Variants in DHRS13 observed in about 807,000 individuals in gnomAD.
The protein encoded by DHRS13 is dehydrogenase/reductase 13.
DHRS13 carries 22 observed loss-of-function variants against 17.9 expected under a neutral mutation model. That is an observed-to-expected ratio of 1.23 (90% CI 0.88 to 1.75). The LOEUF is 1.75. Among genes scored for constraint, DHRS13 ranks in the 40% most tolerant of loss-of-function variants. The pLI is 0.00. For missense variants in DHRS13, 483 were observed against 519.9 expected, an observed-to-expected ratio of 0.93 and a Z score of 0.69; for synonymous variants, 206 against 220.4, an observed-to-expected ratio of 0.93 and a Z score of 0.58.
rs1297916823 is a variant in DHRS13 at position 28,902,659 on chromosome 17, G to A, written c.170C>T (p.Ala57Val). 3 of 1,434,572 alleles carry A rather than the reference G, an allele frequency of 2.1e-6. No individual in the cohort carries two copies. Among genetic ancestry groups the A allele is most frequent in the East Asian group, 3.1e-5 (1 of 32,786 alleles). 88.9% of individuals were successfully genotyped at this position (1,434,572 alleles called of 1,614,324 possible). Residue 57 changes from alanine (A) to valine (V), a missense_variant, in exon 2 of 5, where the codon GCG becomes GTG. By Grantham distance (64) the Ala-to-Val change is moderately conservative. Coordinates refer to ENST00000378895, the MANE Select transcript of DHRS13 (RefSeq NM_144683.4). The surrounding 1 kb of genome is among the most constrained non-coding windows in gnomAD (Gnocchi z 4.0). ...CAGCACCACGCGCGCTCCCCGGCGCGCCAGCTCCAGCGCCGTCATCTTTCC... is the reference window on the plus strand; with the variant it reads ...CAGCACCACGCGCGCTCCCCGGCGCACCAGCTCCAGCGCCGTCATCTTTCC... ...GIGKMTALEL[A>V]RRGARVVLAC...
rs2039803454 is a variant in DHRS13, at chr17:28,901,322, G to A, written c.371-21C>T. The stretch of plus-strand genomic sequence containing the variant: ...GATACCTGGGGCAGAGGCTAAATGT[G>A]AGCGGCTGCTCCAGAAGGAGCTCTG... On this transcript the variant is annotated intron_variant, in intron 3 of 4. Transcript: ENST00000378895. This position sits in a 1 kb window ranked among gnomAD's most constrained non-coding sequence, Gnocchi z 4.3. The A allele has an allele frequency of 6.3e-7, 1 of 1,590,470 alleles. No individual in the cohort carries two copies. The highest frequency in any genetic ancestry group is 1.7e-5 in the Admixed American group (1 of 57,854).
chr17:28,898,648 C>G lies in DHRS13; in HGVS notation c.927G>C (p.Arg309Ser). 6.2e-7 allele frequency: 1 copy of G among 1,613,796 alleles called. No individual in the cohort carries two copies. Among genetic ancestry groups the G allele is most frequent in the East Asian group, 2.2e-5 (1 of 44,880 alleles). The change falls in exon 5 of 5, where the codon AGG (arginine) becomes AGC (serine). Residue 309 changes from arginine (R) to serine (S), a missense_variant. By Grantham distance (110) the Arg-to-Ser change is moderately radical. Coordinates refer to ENST00000378895, the MANE Select transcript of DHRS13 (RefSeq NM_144683.4). ...CCTCCCCAGGCCCAAGCCCTGCCAG[C>G]CTCTTGCTGGCCTCCCATAGCCGAT... is the stretch of plus-strand genomic sequence containing the variant. ...AAHRLWEASK[R>S]LAGLGPGEDA...
rs1388824880 is a variant in DHRS13, at chr17:28,898,793, C to A, written c.782G>T (p.Gly261Val). The part of the protein sequence containing the change: ...AWLVLRAPRG[G>V]AQTPLYCALQ... ...AGCACAATACAGGGGTGTCTGGGCA[C>A]CCCCTCTTGGTGCCCGGAGCACCAG... Residue 261 changes from glycine to valine, a missense_variant, in exon 5 of 5, where the codon GGT (glycine) becomes GTT (valine). By Grantham distance (109) the Gly-to-Val change is moderately radical. Transcript: ENST00000378895. 1 of 1,611,850 alleles carries A rather than the reference C, an allele frequency of 6.2e-7. No homozygotes were observed. Among genetic ancestry groups the A allele is most frequent in the Non-Finnish European group, 8.5e-7 (1 of 1,179,164 alleles).
In DHRS13 at chr17:28,897,933, C is replaced by A; in HGVS notation, c.*508G>T. ...TTCTCAGCACCCATCTTACGGCAGTCGGCCCTGGCCTCAGACCCTTGGGTT... is the reference window on the plus strand; with the variant it reads ...TTCTCAGCACCCATCTTACGGCAGTAGGCCCTGGCCTCAGACCCTTGGGTT... On this transcript the variant is annotated 3_prime_UTR_variant, in exon 5 of 5. Transcript: ENST00000378895. The surrounding 1 kb of genome is among the most constrained non-coding windows in gnomAD (Gnocchi z 4.4). 9.7e-6 allele frequency: 2 copies of A among 205,228 alleles called. No homozygotes were observed. Among genetic ancestry groups the A allele is most frequent in the Non-Finnish European group, 1.9e-5 (2 of 104,174 alleles). 12.7% of individuals were successfully genotyped at this position (205,228 alleles called of 1,614,324 possible). A position where few individuals can be genotyped will look rare whatever the true frequency, so the allele number is the denominator to read the frequency against.
Position 28,901,336 on chromosome 17 carries a change from G to A in DHRS13, c.371-35C>T, listed in dbSNP as rs368229450. ...AGGCTAAATGTGAGCGGCTGCTCCA[G>A]AAGGAGCTCTGCAGCCTTGGCATCC... On this transcript the variant is annotated intron_variant, in intron 3 of 4. Transcript: ENST00000378895. This position sits in a 1 kb window ranked among gnomAD's most constrained non-coding sequence, Gnocchi z 4.3. 14 of 1,585,164 alleles carry A rather than the reference G, an allele frequency of 8.8e-6. No individual in the cohort carries two copies. In the African/African-American group the frequency reaches 1.6e-4, roughly 18 times the overall value.
At position 28,899,056 on chromosome 17, in the gene DHRS13, CA is replaced by C. The variant is rs944185191; in HGVS notation, c.683-165del. On this transcript the variant is annotated intron_variant, in intron 4 of 4. Coordinates refer to ENST00000378895, the MANE Select transcript of DHRS13 (RefSeq NM_144683.4). The surrounding 1 kb of genome is among the most constrained non-coding windows in gnomAD (Gnocchi z 4.7). ...GTCTCTTTAAAAAAAAAAACAACAA[CA>C]AAAAAAATAGAACAGAGCTAGAAGA... is the stretch of plus-strand genomic sequence containing the variant. 3.5e-4 allele frequency: 209 copies of C among 604,168 alleles called. No individual in the cohort carries two copies. The highest frequency in any genetic ancestry group is 9.0e-4 in the Middle Eastern group (2 of 2,232). 37.4% of individuals were successfully genotyped at this position (604,168 alleles called of 1,614,324 possible). A position where few individuals can be genotyped will look rare whatever the true frequency, so the allele number is the denominator to read the frequency against.
At position 28,898,474 on chromosome 17, in the gene DHRS13, C is replaced by T. The variant is rs765263113; in HGVS notation, c.1101G>A (p.Gln367=). 1 of 1,570,756 alleles carries T rather than the reference C, an allele frequency of 6.4e-7. No individual in the cohort carries two copies. ...GCTGGATCTCAGGCTCAACTTTAGC[C>T]TGAATTCGGTGCGTCATCTTAGACA... is the stretch of plus-strand genomic sequence containing the variant. ...PDLSKMTHRI[Q]AKVEPEIQLS is the part of the protein sequence containing the mutation. Residue 367 remains glutamine (Q), a synonymous_variant, in exon 5 of 5, where the codon CAG becomes CAA. Transcript: ENST00000378895.
chr17:28,902,719 G>A lies in DHRS13; in HGVS notation c.128-18C>T, dbSNP rs577948182. 3 of 1,349,798 alleles carry A rather than the reference G, an allele frequency of 2.2e-6. No individual in the cohort carries two copies. Among genetic ancestry groups the A allele is most frequent in the East Asian group, 6.3e-5 (2 of 31,976 alleles). 83.6% of individuals were successfully genotyped at this position (1,349,798 alleles called of 1,614,324 possible). The stretch of plus-strand genomic sequence containing the variant: ...GTTGGCGCCTGCGGACCGCGGGCGG[G>A]AGCCGAGCTGAGCTGAGCCCGGCGG... On this transcript the variant is annotated intron_variant, in intron 1 of 4. Transcript: ENST00000378895. This position sits in a 1 kb window ranked among gnomAD's most constrained non-coding sequence, Gnocchi z 4.0.
chr17:28,900,793 A>G (rs2039798884), intron 4 of DHRS13, among the ~76,000 whole-genome samples, 197 bp downstream of exon 4: 1 of 152,154 alleles, frequency 6.6e-6, no homozygotes. Flanking sequence ...GTGGTGTGAG[A>G]GGAAGAACCT....
Position 28,898,870 on chromosome 17 carries a change from G to T in DHRS13, c.705C>A (p.Phe235Leu). The change falls in exon 5 of 5, where the codon TTC becomes TTA. Residue 235 changes from phenylalanine to leucine, a missense_variant. Coordinates refer to ENST00000378895, the MANE Select transcript of DHRS13 (RefSeq NM_144683.4). Reference sequence around the variant, plus strand: ...GCAGCCATCCAGGAACATGGCGCAGGAACAGCTCCGAGTTCACAGGCCCTG... The same window carrying T: ...GCAGCCATCCAGGAACATGGCGCAGTAACAGCTCCGAGTTCACAGGCCCTG... ...AHPGPVNSEL[F>L]LRHVPGWLRP... 1 of 1,591,676 alleles carries T rather than the reference G, an allele frequency of 6.3e-7. No individual in the cohort carries two copies. Among genetic ancestry groups the T allele is most frequent in the South Asian group, 1.1e-5 (1 of 88,564 alleles).
At position 28,902,269 on chromosome 17, in the gene DHRS13, C is replaced by G. The variant is rs1291904653; in HGVS notation, c.246+314G>C. On this transcript the variant is annotated intron_variant, in intron 2 of 4. Transcript: ENST00000378895. This position sits in a 1 kb window ranked among gnomAD's most constrained non-coding sequence, Gnocchi z 4.0. ...TTCTCAGTTTTTCAGATCAGTCCAG[C>G]TCTCTTTGCCTCAGAGCCTTTGCTT... 1.1e-5 allele frequency: 3 copies of G among 284,068 alleles called. No individual in the cohort carries two copies. The highest frequency in any genetic ancestry group is 1.3e-5 in the Non-Finnish European group (2 of 152,390). The allele number at this position is 284,068 out of a possible 1,614,324, so 17.6% of individuals were successfully genotyped here. A position where few individuals can be genotyped will look rare whatever the true frequency, so the allele number is the denominator to read the frequency against.
Position 28,899,395 on chromosome 17 carries a change from T to C in DHRS13, c.683-503A>G, listed in dbSNP as rs2039789364. 6.4e-6 allele frequency: 1 copy of C among 155,294 alleles called. No homozygotes were observed. The highest frequency in any genetic ancestry group is 6.5e-5 in the Admixed American group (1 of 15,366). 9.6% of individuals were successfully genotyped at this position (155,294 alleles called of 1,614,324 possible). A position where few individuals can be genotyped will look rare whatever the true frequency, so the allele number is the denominator to read the frequency against. ...GTAATAAAGACTTAATAAAGGCTAATTGTGATCATCGCTATTATAATTACT... is the reference window on the plus strand; with the variant it reads ...GTAATAAAGACTTAATAAAGGCTAACTGTGATCATCGCTATTATAATTACT... On this transcript the variant is annotated intron_variant, in intron 4 of 4. Transcript: ENST00000378895. This position sits in a 1 kb window ranked among gnomAD's most constrained non-coding sequence, Gnocchi z 4.7.
rs755158320 is a variant in DHRS13 at position 28,898,598 on chromosome 17, T to TG, written c.976dup (p.Gln326ProfsTer3). The stretch of plus-strand genomic sequence containing the variant: ...AGATGGGGCCTCTGAGTCCTCAGAC[T>TG]GGGGGTCTTCATCGGGTTCAGCATC... On this transcript the variant is annotated frameshift_variant, in exon 5 of 5. Transcript: ENST00000378895. LOFTEE classifies it low-confidence loss of function (END_TRUNC). 1.9e-6 allele frequency: 3 copies of TG among 1,613,324 alleles called. No individual in the cohort carries two copies. The highest frequency in any genetic ancestry group is 2.5e-6 in the Non-Finnish European group (3 of 1,179,782).
Position 28,898,520 on chromosome 17 carries a change from C to G in DHRS13, c.1055G>C (p.Ser352Thr). ...AGACAAATCTGGTGAGCTCTGAGGG[C>G]TGGGGTAAGGTTGAGAAACTGTGGG... ...EEPTVSQPYP[S>T]PQSSPDLSKM... is the part of the protein sequence containing the mutation. Residue 352 changes from serine (S) to threonine (T), a missense_variant, in exon 5 of 5, where the codon AGC (serine) becomes ACC (threonine). Transcript: ENST00000378895. 1 of 1,609,322 alleles carries G rather than the reference C, an allele frequency of 6.2e-7. No individual in the cohort carries two copies. Among genetic ancestry groups the G allele is most frequent in the Non-Finnish European group, 8.5e-7 (1 of 1,177,744 alleles).
chr17:28,899,069 A>C lies in DHRS13; in HGVS notation c.683-177T>G. 1.7e-6 allele frequency: 1 copy of C among 585,168 alleles called. No individual in the cohort carries two copies. The allele number at this position is 585,168 out of a possible 1,614,324, so 36.2% of individuals were successfully genotyped here. On this transcript the variant is annotated intron_variant, in intron 4 of 4. Coordinates refer to ENST00000378895, the MANE Select transcript of DHRS13 (RefSeq NM_144683.4). The surrounding 1 kb of genome is among the most constrained non-coding windows in gnomAD (Gnocchi z 4.7). The stretch of plus-strand genomic sequence containing the variant: ...AAAAAACAACAACAAAAAAAATAGA[A>C]CAGAGCTAGAAGAACAGGGACAGAA...
chr17:28,901,401 G>A lies in DHRS13; in HGVS notation c.370+92C>T. ...GGAGAAGGGGGCATCCTTCCCATGTGTCCACTGGCCCCAGCAGGGCCCCCG... is the reference window on the plus strand; with the variant it reads ...GGAGAAGGGGGCATCCTTCCCATGTATCCACTGGCCCCAGCAGGGCCCCCG... On this transcript the variant is annotated intron_variant, in intron 3 of 4. Transcript: ENST00000378895. This position sits in a 1 kb window ranked among gnomAD's most constrained non-coding sequence, Gnocchi z 4.3. 2 of 1,598,070 alleles carry A rather than the reference G, an allele frequency of 1.3e-6. No homozygotes were observed.
chr17:28,898,937 G>T lies in DHRS13; in HGVS notation c.683-45C>A, dbSNP rs570754295. The T allele has an allele frequency of 2.9e-4, 447 of 1,515,512 alleles. 3 individuals are homozygous for T. The South Asian group carries it at 5.1e-3, about 17-fold the overall frequency. The allele number at this position is 1,515,512 out of a possible 1,614,324, so 93.9% of individuals were successfully genotyped here. A position where few individuals can be genotyped will look rare whatever the true frequency, so the allele number is the denominator to read the frequency against. The stretch of plus-strand genomic sequence containing the variant: ...AAGGAGTCGGGCTAGGCACAGTGGT[G>T]TGTATTTACAGTCACAGCTACTCGG... On this transcript the variant is annotated intron_variant, in intron 4 of 4. Coordinates refer to ENST00000378895, the MANE Select transcript of DHRS13 (RefSeq NM_144683.4).
Position 28,898,879 on chromosome 17 carries a change from C to T in DHRS13, c.696G>A (p.Ser232=), listed in dbSNP as rs771141110. Reference sequence around the variant, plus strand: ...CAGGAACATGGCGCAGGAACAGCTCCGAGTTCACAGGCCCTGTAGGCAGGA... The same window carrying T: ...CAGGAACATGGCGCAGGAACAGCTCTGAGTTCACAGGCCCTGTAGGCAGGA... The part of the protein sequence containing the change: ...CYAAHPGPVN[S]ELFLRHVPGW... The change falls in exon 5 of 5, where the codon TCG becomes TCA. Residue 232 remains serine, a synonymous_variant. Transcript: ENST00000378895. 6.1e-5 allele frequency: 97 copies of T among 1,586,012 alleles called. No homozygotes were observed. In the Middle Eastern group the frequency reaches 1.9e-3, roughly 31 times the overall value.
At position 28,900,860 on chromosome 17, in the gene DHRS13, G is replaced by A. The variant is rs2039799303; in HGVS notation, c.682+130C>T. 4 of 1,049,060 alleles carry A rather than the reference G, an allele frequency of 3.8e-6. No homozygotes were observed. In the South Asian group the frequency reaches 5.0e-5, roughly 13 times the overall value. 65.0% of individuals were successfully genotyped at this position (1,049,060 alleles called of 1,614,324 possible). On this transcript the variant is annotated intron_variant, in intron 4 of 4. Transcript: ENST00000378895. ...AGGAACAGGTCTCTCCTTGGACTATGCTTCCTTGCTGCCCTGAGATTCTGT... is the reference window on the plus strand; with the variant it reads ...AGGAACAGGTCTCTCCTTGGACTATACTTCCTTGCTGCCCTGAGATTCTGT...
Sources: gnomAD v4.1 joint callset for allele counts (sites outside exome capture counted in the v4.1 genomes callset) on GRCh38, gnomAD v4.1.1 for gene constraint, Gnocchi (gnomAD v3.1) non-coding constraint, MANE v1.5 for transcripts, NCBI Gene and HGNC (gene_info 2026-07-23, HGNC 2026-07-21) for gene names.